PLCB1: variants seen among roughly 807,000 people sequenced by gnomAD.
PLCB1 encodes the protein phospholipase C beta 1.
In PLCB1, 46 loss-of-function variants were observed where a neutral mutation model predicts 161.8. The ratio of observed to expected loss-of-function variants is 0.28; its 90% CI spans 0.22 to 0.36. PLCB1 has a LOEUF of 0.36. PLCB1 is among the 10% of genes least tolerant of loss of function. The pLI is 1.00. For synonymous variants in PLCB1, 517 were observed against 503.7 expected, an observed-to-expected ratio of 1.03 and a Z score of -0.35; for missense variants, 1,016 against 1,472.5, an observed-to-expected ratio of 0.69 and a Z score of 5.07.
chr20:8,416,566 A>G (rs185737620), intron 3 of PLCB1, among the ~76,000 whole-genome samples: 9 of 152,192 alleles, frequency 5.9e-5, no homozygotes, highest in African/African-American at 1.9e-4. Context: ...AAACAGGAAA[A>G]GTAAGTTTGC....
chr20:8,230,104 A>G (rs1444742382), intron 2 of PLCB1, among the ~76,000 whole-genome samples: 1 of 150,706 alleles, frequency 6.6e-6, no homozygotes, highest in Non-Finnish European at 1.5e-5. Flanking sequence ...AAAACAGAAA[A>G]CAAAGTAGGC....
intron 4 of PLCB1, among the ~76,000 whole-genome samples, chr20:8,629,487 C>T (rs1031970418): frequency 2.0e-5 from 3 of 152,162 alleles, no homozygotes; most frequent in Non-Finnish European, 4.4e-5. Context: ...TGAAAGAATA[C>T]TGAAATGAAC....
chr20:8,683,155 T>TTA (rs1262464544), intron 9 of PLCB1, among the ~76,000 whole-genome samples: 2 of 151,912 alleles, frequency 1.3e-5, no homozygotes, highest in Non-Finnish European at 2.9e-5. Context: ...GGTTACTAAA[T>TTA]TATATATATA....
chr20:8,327,179 C>T (rs1985187782), intron 2 of PLCB1, among the ~76,000 whole-genome samples: 1 of 152,300 alleles, frequency 6.6e-6, no homozygotes, highest in East Asian at 1.9e-4. Context: ...AGCCACTGTG[C>T]CTAGCCTGTT....
intron 14 of PLCB1, among the ~76,000 whole-genome samples, chr20:8,720,917 G>C (rs560929056): frequency 6.6e-6 from 1 of 151,234 alleles, no homozygotes; most frequent in Admixed American, 6.6e-5. Context: ...TGCTTAAGTG[G>C]CAATACCCTA....
intron 3 of PLCB1, among the ~76,000 whole-genome samples, chr20:8,616,023 G>A (rs929974210): frequency 3.9e-5 from 6 of 152,220 alleles, no homozygotes; most frequent in African/African-American, 1.2e-4. Context: ...TTCAGAAACC[G>A]AGGGTTGTTA....
intron 2 of PLCB1, among the ~76,000 whole-genome samples, chr20:8,156,882 A>G (rs186109987): frequency 1.6e-3 from 245 of 152,344 alleles, no homozygotes; most frequent in Middle Eastern, 6.8e-3. Context: ...TACATAATAA[A>G]CAATGACTCT....
chr20:8,543,155 C>A (rs1308852520), intron 3 of PLCB1, among the ~76,000 whole-genome samples: 1 of 152,056 alleles, frequency 6.6e-6, no homozygotes, highest in Non-Finnish European at 1.5e-5. Context: ...CAACATCCTC[C>A]TGGAGTTTCA....
At chr20:8,789,203 C>T (rs143527364) in intron 29 of PLCB1, among the ~76,000 whole-genome samples, 1 of 152,212 alleles carries the variant, frequency 6.6e-6, no homozygotes, top group East Asian at 1.9e-4. Context: ...CACAGGGAGA[C>T]TCTGTCTCTA....
chr20:8,509,235 C>A lies in PLCB1; in HGVS notation c.247-119059C>A, dbSNP rs1040426323. On this transcript the variant is annotated intron_variant, in intron 3 of 31. Transcript: ENST00000338037. ...TTGTGTTGTATGCTACAGAGTGACC[C>A]CCCACAAGTTCCTTGCCCATGTGTG... Among the ~76,000 whole-genome samples the A allele has an allele frequency of 1.8e-4, 28 of 152,140 alleles. 1 individual carries two copies. The East Asian group carries it at 4.4e-3, about 24-fold the overall frequency.
intron 31 of PLCB1, among the ~76,000 whole-genome samples, chr20:8,823,272 G>A (rs1412093391): frequency 6.6e-6 from 1 of 152,136 alleles, no homozygotes; most frequent in African/African-American, 2.4e-5. Flanking sequence ...ACAGGCATGC[G>A]CCACTGCGCC....
At chr20:8,581,352 A>G (rs1986827774) in intron 3 of PLCB1, among the ~76,000 whole-genome samples, 1 of 152,160 alleles carries the variant, frequency 6.6e-6, no homozygotes, top group Non-Finnish European at 1.5e-5. Context: ...AGTGGTTATA[A>G]CCAGAAGTGA....
intron 2 of PLCB1, among the ~76,000 whole-genome samples, chr20:8,272,980 A>T (rs545688976): frequency 3.3e-5 from 5 of 152,276 alleles, no homozygotes; most frequent in Middle Eastern, 3.4e-3. Context: ...CCCCATTTTC[A>T]GTGGATGTAC....
rs137912411 is a variant in PLCB1, at chr20:8,812,406, C to T, written c.3423+22145C>T. On this transcript the variant is annotated intron_variant, in intron 31 of 31. Coordinates refer to ENST00000338037, the MANE Select transcript of PLCB1 (RefSeq NM_015192.4). ...TGGTGATGGGAAATGGTGGTGTGAG[C>T]GGGGGCTGGTGTGAGCGGGGGCTGG... Among the ~76,000 whole-genome samples, 6 of 146,822 alleles carry T rather than the reference C, an allele frequency of 4.1e-5. 1 individual carries two copies. The East Asian group carries it at 8.0e-4, about 20-fold the overall frequency.
chr20:8,556,779 T>C (rs1182250234), intron 3 of PLCB1, among the ~76,000 whole-genome samples: 1 of 151,232 alleles, frequency 6.6e-6, no homozygotes, highest in Non-Finnish European at 1.5e-5. Context: ...TCAGAGTCCA[T>C]ACAACAAAAT....
intron 3 of PLCB1, among the ~76,000 whole-genome samples, chr20:8,433,064 A>G (rs1980127315): frequency 6.6e-6 from 1 of 152,248 alleles, no homozygotes; most frequent in African/African-American, 2.4e-5. Flanking sequence ...AGGTTCACCA[A>G]AGTTCTAATT....
intron 3 of PLCB1, among the ~76,000 whole-genome samples, chr20:8,424,674 G>C (rs527672601): frequency 3.3e-5 from 5 of 152,240 alleles, no homozygotes; most frequent in African/African-American, 1.2e-4. Flanking sequence ...TATTTAGCAA[G>C]CAAATACTAT....
At chr20:8,654,517 G>A (rs1211985743) in intron 7 of PLCB1, among the ~76,000 whole-genome samples, 1 of 151,966 alleles carries the variant, frequency 6.6e-6, no homozygotes. Context: ...AGATTGTCAT[G>A]TCACTCAAAA....
chr20:8,222,001 A>G (rs1979440348), intron 2 of PLCB1, among the ~76,000 whole-genome samples: 1 of 152,198 alleles, frequency 6.6e-6, no homozygotes, highest in Non-Finnish European at 1.5e-5. Flanking sequence ...CTCATCATAT[A>G]GAAATCATGC....
Sources: gnomAD v4.1 joint callset for allele counts (sites outside exome capture counted in the v4.1 genomes callset) on GRCh38, gnomAD v4.1.1 for gene constraint, MANE v1.5 for transcripts, NCBI Gene and HGNC (gene_info 2026-07-23, HGNC 2026-07-21) for gene names.